SYT16: variants seen among roughly 807,000 people sequenced by gnomAD.
SYT16 encodes the protein synaptotagmin 16.
SYT16 carries 42 observed loss-of-function variants against 61.4 expected under a neutral mutation model. The ratio of observed to expected loss-of-function variants is 0.68; its 90% CI spans 0.53 to 0.89. The LOEUF is 0.89. Among genes scored for constraint, SYT16 ranks in the 40% least tolerant of loss-of-function variants. The pLI is 0.00. For synonymous variants in SYT16, 314 were observed against 302.3 expected, an observed-to-expected ratio of 1.04 and a Z score of -0.40; for missense variants, 804 against 807.3, an observed-to-expected ratio of 1.00 and a Z score of 0.05.
intron 1 of SYT16, among the ~76,000 whole-genome samples, chr14:61,900,862 A>G (rs146985038): frequency 4.6e-5 from 7 of 152,346 alleles, no homozygotes; most frequent in East Asian, 3.9e-4. Context: ...AAGACATCCA[A>G]TGGAGAAGAG....
At chr14:62,026,156 G>C (rs943434781) in intron 3 of SYT16, among the ~76,000 whole-genome samples, 7 of 152,090 alleles carry the variant, frequency 4.6e-5, no homozygotes, top group Non-Finnish European at 7.4e-5. Flanking sequence ...TGTTTGCTTA[G>C]CAACCTGCCC....
At chr14:61,916,220 A>C (rs2049115086) in intron 1 of SYT16, among the ~76,000 whole-genome samples, 1 of 152,132 alleles carries the variant, frequency 6.6e-6, no homozygotes, top group Non-Finnish European at 1.5e-5. Context: ...TGTGGAGCAA[A>C]ATTTGGATTT....
chr14:61,817,710 G>A (rs1337575009), intron 1 of SYT16, among the ~76,000 whole-genome samples: 2 of 152,206 alleles, frequency 1.3e-5, no homozygotes, highest in African/African-American at 4.8e-5. Context: ...ACAGTGTTGT[G>A]ATAATTGGTG....
chr14:62,081,053 AACAT>A lies in SYT16; in HGVS notation c.1217_1220del (p.Ile406ArgfsTer37). On this transcript the variant is annotated frameshift_variant, in exon 6 of 8. Transcript: ENST00000683842. LOFTEE classifies it high-confidence loss of function. ...TGGTAAGAAACACAGGGGCAGGACG[AACAT>A]ACAGAGAGGGCCCAACCCCGTCTTC... is the stretch of plus-strand genomic sequence containing the variant. The A allele has an allele frequency of 6.2e-7, 1 of 1,613,698 alleles. No homozygotes were observed. Among genetic ancestry groups the A allele is most frequent in the Non-Finnish European group, 8.5e-7 (1 of 1,179,754 alleles).
At chr14:61,906,981 G>A (rs1026913753) in intron 1 of SYT16, among the ~76,000 whole-genome samples, 9 of 152,180 alleles carry the variant, frequency 5.9e-5, no homozygotes, top group Non-Finnish European at 8.8e-5. Context: ...TGTTTTAAAT[G>A]CCTGTTATTC....
intron 1 of SYT16, among the ~76,000 whole-genome samples, chr14:61,869,102 C>G (rs982750652): frequency 6.6e-6 from 1 of 151,942 alleles, no homozygotes; most frequent in Non-Finnish European, 1.5e-5. Flanking sequence ...AGCTTTATTT[C>G]GGTTAGTTTT....
At chr14:61,833,238 C>G (rs894535017) in intron 1 of SYT16, among the ~76,000 whole-genome samples, 1 of 151,534 alleles carries the variant, frequency 6.6e-6, no homozygotes, top group African/African-American at 2.4e-5. Flanking sequence ...ACCCCTCAAC[C>G]TGTGCAAGTC....
rs145650438 is a variant in SYT16 at position 61,919,787 on chromosome 14, A to T, written c.-324-50345A>T. On this transcript the variant is annotated intron_variant, in intron 1 of 7. Coordinates refer to ENST00000683842, the MANE Select transcript of SYT16 (RefSeq NM_001367656.1). ...ATCCATGGGTTCCAGGGATTAGGAC[A>T]TAGACATATGAAGAAAAAGGGCATT... Among the ~76,000 whole-genome samples the T allele has an allele frequency of 3.6e-3, 555 of 152,378 alleles. 8 individuals carry two copies. Among genetic ancestry groups the T allele is most frequent in the African/African-American group, 0.012 (514 of 41,596 alleles).
At chr14:61,922,426 C>G (rs1307784603) in intron 1 of SYT16, among the ~76,000 whole-genome samples, 2 of 152,136 alleles carry the variant, frequency 1.3e-5, no homozygotes, top group African/African-American at 2.4e-5. Context: ...CAAATTAACT[C>G]AGGAACAGAA....
chr14:61,907,977 G>A (rs972577090), intron 1 of SYT16, among the ~76,000 whole-genome samples: 2 of 152,384 alleles, frequency 1.3e-5, no homozygotes, highest in African/African-American at 2.4e-5. Flanking sequence ...GACTTTGTGT[G>A]TGTTTAGGTG....
rs567989061 is a variant in SYT16, at chr14:61,911,232, A to G, written c.-324-58900A>G. ...GGTTGCAGAGGTTGAATTTTCAAGG[A>G]CCGGCCATAGACTAGAACCTACCTA... is the stretch of plus-strand genomic sequence containing the variant. On this transcript the variant is annotated intron_variant, in intron 1 of 7. Coordinates refer to ENST00000683842, the MANE Select transcript of SYT16 (RefSeq NM_001367656.1). Among the ~76,000 whole-genome samples, 52 of 152,332 alleles carry G rather than the reference A, an allele frequency of 3.4e-4. 1 individual carries two copies. The highest frequency in any genetic ancestry group is 1.2e-3 in the African/African-American group (49 of 41,576).
At chr14:61,968,053 G>A (rs1307307685) in intron 1 of SYT16, among the ~76,000 whole-genome samples, 2 of 152,112 alleles carry the variant, frequency 1.3e-5, no homozygotes, top group African/African-American at 4.8e-5. Flanking sequence ...TTGAGGTCAG[G>A]AGTTCAAGAC....
chr14:61,999,755 A>T (rs2052917897), intron 3 of SYT16, among the ~76,000 whole-genome samples: 1 of 151,360 alleles, frequency 6.6e-6, no homozygotes. Flanking sequence ...TTTTGTTTTT[A>T]TTTTCATTCA....
At chr14:61,896,995 T>C (rs1284057771) in intron 1 of SYT16, among the ~76,000 whole-genome samples, 1 of 152,256 alleles carries the variant, frequency 6.6e-6, no homozygotes, top group African/African-American at 2.4e-5. Flanking sequence ...CTCTGGGCTT[T>C]GTTCCACTGT....
At chr14:61,969,100 A>C (rs1047878955) in intron 1 of SYT16, among the ~76,000 whole-genome samples, 5 of 152,162 alleles carry the variant, frequency 3.3e-5, no homozygotes, top group African/African-American at 9.7e-5. Flanking sequence ...GGTGAGTATT[A>C]TCTCTTCATA....
At chr14:62,002,336 G>T (rs1233966005) in intron 3 of SYT16, among the ~76,000 whole-genome samples, 1 of 152,116 alleles carries the variant, frequency 6.6e-6, no homozygotes, top group Non-Finnish European at 1.5e-5. Context: ...ACTACATTGT[G>T]TTTAGGGTAG....
At chr14:61,986,446 T>C (rs2052317473) in intron 2 of SYT16, among the ~76,000 whole-genome samples, 2 of 148,440 alleles carry the variant, frequency 1.3e-5, no homozygotes, top group South Asian at 4.2e-4. Flanking sequence ...TTAAAAAATT[T>C]ATATATATAT....
rs60917584 is a variant in SYT16 at position 61,945,855 on chromosome 14, CAAAAAAAAAAAAAAA to C, written c.-324-24260_-324-24246del. On this transcript the variant is annotated intron_variant, in intron 1 of 7. Transcript: ENST00000683842. ...TGGGCGACAGAGCGAGACTCCGTCT[CAAAAAAAAAAAAAAA>C]AAAAAAAAAAAAAAAAGGATGAGTT... Among the ~76,000 whole-genome samples, 72 of 64,518 alleles carry C rather than the reference CAAAAAAAAAAAAAAA, an allele frequency of 1.1e-3. 2 individuals carry two copies. The highest frequency in any genetic ancestry group is 2.8e-3 in the African/African-American group (63 of 22,284). 42.3% of individuals were successfully genotyped at this position (64,518 alleles called of 152,430 possible).
chr14:61,962,788 C>T (rs765470897), intron 1 of SYT16, among the ~76,000 whole-genome samples: 7 of 152,010 alleles, frequency 4.6e-5, no homozygotes. Context: ...AGTTGAAGCT[C>T]TCTCTTCAGT....
Sources: allele counts gnomAD v4.1 joint callset (sites outside exome capture counted in the v4.1 genomes callset), GRCh38; gene constraint gnomAD v4.1.1; transcripts MANE v1.5; gene names NCBI Gene and HGNC (gene_info 2026-07-23, HGNC 2026-07-21).